Variants in ACOT12 observed in about 807,000 individuals in gnomAD.
The protein encoded by ACOT12 is acetyl-coenzyme A thioesterase.
Under a neutral mutation model 67.7 loss-of-function variants are expected in ACOT12, and 51 were observed. The ratio of observed to expected loss-of-function variants is 0.75; its 90% CI spans 0.60 to 0.95. The LOEUF (loss-of-function observed/expected upper bound fraction) is 0.95. Among genes scored for constraint, ACOT12 ranks in the 40% least tolerant of loss-of-function variants. The probability of loss-of-function intolerance (pLI) is 0.00; values close to 1 mark genes in which losing one functional copy is unlikely to be tolerated. For missense variants in ACOT12, 734 were observed against 708.1 expected (o/e 1.04, Z -0.41); for synonymous variants, 251 against 244.6 (o/e 1.03, Z -0.24).
chr5:81,382,598 A>G (rs1424816636), intron 2 of ACOT12, among the ~76,000 whole-genome samples: 1 of 152,072 alleles, frequency 6.6e-6, no homozygotes, highest in African/African-American at 2.4e-5. Flanking sequence ...GGAGTTTGAG[A>G]CCAGCCTGGC....
chr5:81,359,835 C>A, intron 5 of ACOT12, 68 bp downstream of exon 5: 1 of 1,487,528 alleles, frequency 6.7e-7, no homozygotes, highest in South Asian at 1.3e-5. Flanking sequence ...AATAAGTGTG[C>A]TCTAAGAAAA....
chr5:81,321,273 AAAG>A, the ACOT12 span, among the ~76,000 whole-genome samples: 1 of 152,100 alleles, frequency 6.6e-6, no homozygotes, highest in Admixed American at 6.5e-5. Flanking sequence ...AAAAAAGAGA[AAAG>A]AAAAAAACCA....
chr5:81,341,716 G>A (rs1003309845), intron 11 of ACOT12, among the ~76,000 whole-genome samples: 4 of 152,254 alleles, frequency 2.6e-5, no homozygotes, highest in East Asian at 1.9e-4. Context: ...ATGAGCTTCC[G>A]AGGGTCTCCT....
the ACOT12 span, among the ~76,000 whole-genome samples, chr5:81,319,665 T>C: frequency 1.3e-5 from 2 of 150,058 alleles, no homozygotes; most frequent in Admixed American, 6.7e-5. Flanking sequence ...TGCAGTGAGC[T>C]GAGATAGCGC....
At chr5:81,371,636 T>G in intron 3 of ACOT12, 114 bp downstream of exon 3, 1 of 1,047,960 alleles carries the variant, frequency 9.5e-7, no homozygotes, top group Middle Eastern at 2.1e-4. Flanking sequence ...CAGAGCCTTC[T>G]GAAATAGAGA....
intron 7 of ACOT12, 143 bp from the exon 8 acceptor site, chr5:81,345,184 A>T (rs1170209883): frequency 1.8e-6 from 2 of 1,128,838 alleles, no homozygotes; most frequent in African/African-American, 3.1e-5. Flanking sequence ...CTTGTTTGTT[A>T]TCAGCAAACC....
intron 6 of ACOT12, 104 bp downstream of exon 6, chr5:81,347,670 T>C (rs1460698544): frequency 1.4e-5 from 18 of 1,307,574 alleles, no homozygotes; most frequent in Non-Finnish European, 1.7e-5. Flanking sequence ...TTTTCCTCAG[T>C]CCTTTCCTTG....
intron 12 of ACOT12, among the ~76,000 whole-genome samples, chr5:81,333,833 G>C (rs1758908184): frequency 6.6e-6 from 1 of 152,174 alleles, no homozygotes; most frequent in African/African-American, 2.4e-5. Context: ...CTCCACCCTC[G>C]GGCCTGTGCC....
intron 2 of ACOT12, among the ~76,000 whole-genome samples, chr5:81,372,139 T>A (rs1448285783): frequency 1.3e-5 from 2 of 152,082 alleles, no homozygotes; most frequent in African/African-American, 4.8e-5. Flanking sequence ...TTAAGGAAAA[T>A]ACACCAGCAA....
chr5:81,345,022 C>A lies in ACOT12; in HGVS notation c.793G>T (p.Val265Leu). 3 of 1,614,140 alleles carry A rather than the reference C, an allele frequency of 1.9e-6. No homozygotes were observed. Among genetic ancestry groups the A allele is most frequent in the Non-Finnish European group, 2.5e-6 (3 of 1,180,004 alleles). Residue 265 changes from valine (V) to leucine (L), a missense_variant, in exon 8 of 15, where the codon GTG (valine) becomes TTG (leucine). Physicochemically the swap from Val to Leu is conservative, Grantham distance 32. Transcript: ENST00000307624. Reference sequence around the variant, plus strand: ...CATTCCTGACAGTCAAAGGCCTCCACGCGAACTCCAACTTCAACACTGTGA... The same window carrying A: ...CATTCCTGACAGTCAAAGGCCTCCAAGCGAACTCCAACTTCAACACTGTGA... ...FQTCVEVGVR[V>L]EAFDCQEWAE...
chr5:81,319,144 C>A, the ACOT12 span, among the ~76,000 whole-genome samples: 1 of 152,176 alleles, frequency 6.6e-6, no homozygotes, highest in Non-Finnish European at 1.5e-5. Flanking sequence ...TTGTTGCAAG[C>A]CTTTGATTCA....
chr5:81,337,384 C>T lies in ACOT12; in HGVS notation c.1129-1483G>A, dbSNP rs144651531. On this transcript the variant is annotated intron_variant, in intron 11 of 14. Coordinates refer to ENST00000307624, the MANE Select transcript of ACOT12 (RefSeq NM_130767.3). ...TATTAAGAGTTGAATTATTTCTCTA[C>T]CCTTCCACCCCCAAATTCATATGCT... is the stretch of plus-strand genomic sequence containing the variant. 6.5e-4 allele frequency among the ~76,000 whole-genome samples: 99 copies of T among 152,284 alleles called. 1 individual carries two copies. In the East Asian group the frequency reaches 0.017, roughly 26 times the overall value.
intron 13 of ACOT12, among the ~76,000 whole-genome samples, chr5:81,331,181 A>G (rs2153841647): frequency 6.6e-6 from 1 of 152,310 alleles, no homozygotes; most frequent in Middle Eastern, 3.4e-3. Flanking sequence ...ACTGGAGTCA[A>G]CCACCAAACT....
At chr5:81,314,564 A>G in the ACOT12 span, among the ~76,000 whole-genome samples, 1 of 152,206 alleles carries the variant, frequency 6.6e-6, no homozygotes, top group Non-Finnish European at 1.5e-5. Flanking sequence ...AAAAGGAACT[A>G]TAGACGTTGG....
intron 7 of ACOT12, 99 bp from the exon 8 acceptor site, chr5:81,345,140 C>T (rs1759340935): frequency 2.2e-6 from 3 of 1,370,106 alleles, no homozygotes; most frequent in South Asian, 1.3e-5. Flanking sequence ...CTGCCACCTC[C>T]TCTAAGCAAC....
Position 81,342,871 on chromosome 5 carries a change from G to A in ACOT12, c.1045-116C>T, listed in dbSNP as rs1759243324. The A allele has an allele frequency of 1.2e-5, 13 of 1,057,562 alleles. No homozygotes were observed. The South Asian group carries it at 1.4e-4, about 11-fold the overall frequency. 65.5% of individuals were successfully genotyped at this position (1,057,562 alleles called of 1,614,324 possible). A position where few individuals can be genotyped will look rare whatever the true frequency, so the allele number is the denominator to read the frequency against. ...GAGGAGGTATGTGTTGAGTCCTAGTGATAATGTTGAGTTTAGAACTAAACT... is the reference window on the plus strand; with the variant it reads ...GAGGAGGTATGTGTTGAGTCCTAGTAATAATGTTGAGTTTAGAACTAAACT... On this transcript the variant is annotated intron_variant, in intron 10 of 14. Transcript: ENST00000307624.
intron 10 of ACOT12, 92 bp downstream of exon 10, chr5:81,343,726 G>A (rs1759278327): frequency 4.8e-6 from 6 of 1,262,256 alleles, no homozygotes; most frequent in South Asian, 4.0e-5. Context: ...CATAGCCTGC[G>A]TAGGCACAGC....
intron 2 of ACOT12, among the ~76,000 whole-genome samples, chr5:81,372,226 A>G (rs1374821801): frequency 6.6e-6 from 1 of 152,230 alleles, no homozygotes; most frequent in African/African-American, 2.4e-5. Context: ...CAAGCAAGCA[A>G]ACTGATCAGC....
chr5:81,383,013 A>G (rs1369984313), intron 2 of ACOT12, among the ~76,000 whole-genome samples: 2 of 152,302 alleles, frequency 1.3e-5, no homozygotes, highest in Non-Finnish European at 2.9e-5. Flanking sequence ...GCATATTACC[A>G]TGTTTCCAAT....
Sources: allele counts gnomAD v4.1 joint callset (sites outside exome capture counted in the v4.1 genomes callset), GRCh38; gene constraint gnomAD v4.1.1; transcripts MANE v1.5; gene names NCBI Gene and HGNC (gene_info 2026-07-23, HGNC 2026-07-21).